The following CDK11B variants were observed in gnomAD, a reference collection of about 807,000 sequenced individuals.
CDK11B encodes the protein cyclin dependent kinase 11B, also known as cyclin-dependent kinase 11B.
A neutral mutation model predicts 84.0 loss-of-function variants in CDK11B; 37 were observed. The ratio of observed to expected loss-of-function variants is 0.44; its 90% CI spans 0.34 to 0.58. The LOEUF (loss-of-function observed/expected upper bound fraction) is 0.58. Ranked by LOEUF, CDK11B falls within the 20% of genes least tolerant of loss-of-function variation. The pLI, the probability that CDK11B is intolerant of heterozygous loss-of-function variation, is 0.02. For missense variants in CDK11B, 427 were observed against 834.0 expected (o/e 0.51, Z 6.01); for synonymous variants, 269 against 309.8 (o/e 0.87, Z 1.38).
At chr1:1,649,954 CAAAA>C (rs1294913578) in intron 4 of CDK11B, among the ~76,000 whole-genome samples, 1 of 87,478 alleles carries the variant, frequency 1.1e-5, no homozygotes, top group Non-Finnish European at 2.2e-5. Context: ...ACAGCCTGGG[CAAAA>C]AAAAAAAAAA....
In CDK11B at chr1:1,657,405, C is replaced by T. The variant is rs1001761199; in HGVS notation, c.81G>A (p.Glu27=). 5 of 1,593,334 alleles carry T rather than the reference C, an allele frequency of 3.1e-6. No individual in the cohort carries two copies. The South Asian group carries it at 3.4e-5, about 11-fold the overall frequency. The part of the protein sequence containing the change: ...LQEKKRRKEQ[E]EKAEIKRLKN... ...TTAAGCGTTTTATCTCTGCTTTCTC[C>T]TCTTGTTCCTTCCTTCGTTTCTTTT... is the stretch of plus-strand genomic sequence containing the variant. The change falls in exon 2 of 20, where the codon GAG becomes GAA. Residue 27 remains glutamate (E), a synonymous_variant. Coordinates refer to ENST00000341832, the MANE Select transcript of CDK11B (RefSeq NM_033486.3).
chr1:1,638,952 T>G (rs1259614783), intron 11 of CDK11B, among the ~76,000 whole-genome samples: 1 of 148,598 alleles, frequency 6.7e-6, no homozygotes, highest in African/African-American at 2.5e-5. Context: ...TTTTTTTTTT[T>G]TTTTTTGAGA....
At chr1:1,655,645 C>T (rs773301629) in intron 2 of CDK11B, among the ~76,000 whole-genome samples, 161 bp from the exon 3 acceptor site, 1 of 152,018 alleles carries the variant, frequency 6.6e-6, no homozygotes, top group Non-Finnish European at 1.5e-5. Flanking sequence ...AACTTTTGGC[C>T]GGGTGTGGTG....
chr1:1,640,680 TG>T (rs1297195658), intron 10 of CDK11B, among the ~76,000 whole-genome samples: 2 of 152,096 alleles, frequency 1.3e-5, no homozygotes, highest in Non-Finnish European at 2.9e-5. Context: ...GGGTGTCATG[TG>T]GGGGACAAGC....
intron 3 of CDK11B, among the ~76,000 whole-genome samples, chr1:1,652,905 A>T (rs1416859683): frequency 2.0e-5 from 3 of 152,062 alleles, no homozygotes; most frequent in South Asian, 4.1e-4. Flanking sequence ...TTGTATTTTT[A>T]GTAGAGACGG....
At chr1:1,649,352 C>A in intron 5 of CDK11B, 147 bp downstream of exon 5, 1 of 597,088 alleles carries the variant, frequency 1.7e-6, no homozygotes, top group East Asian at 2.9e-5. Flanking sequence ...CCGCCCACCT[C>A]GGCCTCCCAA....
intron 12 of CDK11B, among the ~76,000 whole-genome samples, chr1:1,638,141 C>T (rs2100692587): frequency 6.6e-6 from 1 of 152,200 alleles, no homozygotes; most frequent in East Asian, 1.9e-4. Flanking sequence ...GCCACGCCGA[C>T]TCCACATCGA....
At chr1:1,646,581 G>A (rs1332666453) in intron 5 of CDK11B, 11 of 513,416 alleles carry the variant, frequency 2.1e-5, no homozygotes, top group East Asian at 1.1e-4. Flanking sequence ...GGATATTGAC[G>A]TCAACCTACA....
intron 3 of CDK11B, chr1:1,654,103 A>G (rs1226162837): frequency 2.2e-6 from 1 of 448,564 alleles, no homozygotes; most frequent in Non-Finnish European, 4.4e-6. Context: ...AAATTCTGGG[A>G]AAATTCACAC....
Position 1,657,130 on chromosome 1 carries a change from A to T in CDK11B, c.111+245T>A, listed in dbSNP as rs1455705276. On this transcript the variant is annotated intron_variant, in intron 2 of 19. Transcript: ENST00000341832. ...AGTCCAGTTTTGCTAATGACTTAACATTCAACGTATTTTATTCTCCATGTA... is the reference window on the plus strand; with the variant it reads ...AGTCCAGTTTTGCTAATGACTTAACTTTCAACGTATTTTATTCTCCATGTA... 4 of 1,235,422 alleles carry T rather than the reference A, an allele frequency of 3.2e-6. No individual in the cohort carries two copies. The African/African-American group carries it at 6.2e-5, about 19-fold the overall frequency. The allele number at this position is 1,235,422 out of a possible 1,614,324, so 76.5% of individuals were successfully genotyped here.
Position 1,656,759 on chromosome 1 carries a change from A to G in CDK11B, c.111+616T>C, listed in dbSNP as rs1313703856. Among the ~76,000 whole-genome samples the G allele has an allele frequency of 7.2e-5, 11 of 152,346 alleles. No homozygotes were observed. The East Asian group carries it at 2.1e-3, about 29-fold the overall frequency. Reference sequence around the variant, plus strand: ...AGACTCCGTCTCAAAAACAAAAAAAAAGCTAACAAAGTGAGCACATGCTAT... The same window carrying G: ...AGACTCCGTCTCAAAAACAAAAAAAGAGCTAACAAAGTGAGCACATGCTAT... On this transcript the variant is annotated intron_variant, in intron 2 of 19. Coordinates refer to ENST00000341832, the MANE Select transcript of CDK11B (RefSeq NM_033486.3).
intron 13 of CDK11B, 24 bp downstream of exon 13, chr1:1,637,738 C>T: frequency 1.2e-6 from 2 of 1,613,700 alleles, no homozygotes; most frequent in Admixed American, 1.7e-5. Flanking sequence ...CACCCGGGGC[C>T]AGGCGTGGTG....
At chr1:1,657,857 A>ACTG (rs1642961997) in intron 1 of CDK11B, among the ~76,000 whole-genome samples, 1 of 128,684 alleles carries the variant, frequency 7.8e-6, no homozygotes, top group Non-Finnish European at 1.6e-5. Flanking sequence ...ATGAGCCAAG[A>ACTG]CTGCGCCACT....
intron 5 of CDK11B, among the ~76,000 whole-genome samples, chr1:1,647,708 C>G (rs558757373): frequency 1.2e-4 from 19 of 152,368 alleles, no homozygotes; most frequent in African/African-American, 4.6e-4. Context: ...TCTCCAGTCT[C>G]TGCTGCACGT....
intron 5 of CDK11B, among the ~76,000 whole-genome samples, chr1:1,648,594 G>A (rs1164008520): frequency 6.6e-6 from 1 of 151,830 alleles, no homozygotes; most frequent in Non-Finnish European, 1.5e-5. Context: ...AGGCGGAGAT[G>A]GGCCTGCTCC....
intron 11 of CDK11B, among the ~76,000 whole-genome samples, chr1:1,639,809 C>T (rs1179552540): frequency 6.6e-6 from 1 of 152,088 alleles, no homozygotes; most frequent in Admixed American, 6.6e-5. Context: ...CCAACAATAT[C>T]CTGCCTTATT....
In CDK11B at chr1:1,636,757, G is replaced by C; in HGVS notation, c.1842C>G (p.Ile614Met). ...TAVDMWSVGCIFGELLTQKPL... is the reference protein window; with the variant it reads ...TAVDMWSVGCMFGELLTQKPL... ...GCTTCTGAGTCAGCAGCTCCCCGAAGATGCAACCCACTGACCACATGTCCA... is the reference window on the plus strand; with the variant it reads ...GCTTCTGAGTCAGCAGCTCCCCGAACATGCAACCCACTGACCACATGTCCA... Residue 614 changes from isoleucine (I) to methionine (M), a missense_variant, in exon 17 of 20, where the codon ATC (isoleucine) becomes ATG (methionine). Physicochemically the swap from Ile to Met is conservative, Grantham distance 10. Coordinates refer to ENST00000341832, the MANE Select transcript of CDK11B (RefSeq NM_033486.3). The C allele has an allele frequency of 2.5e-6, 4 of 1,613,928 alleles. No homozygotes were observed. Among genetic ancestry groups the C allele is most frequent in the Non-Finnish European group, 3.4e-6 (4 of 1,179,866 alleles).
chr1:1,639,879 C>T (rs1310145642), intron 11 of CDK11B, among the ~76,000 whole-genome samples: 2 of 152,042 alleles, frequency 1.3e-5, no homozygotes, highest in East Asian at 1.9e-4. Context: ...CGTAGCCGCT[C>T]CCCCATCCAA....
At chr1:1,654,818 C>T (rs1642511258) in intron 3 of CDK11B, among the ~76,000 whole-genome samples, 1 of 151,796 alleles carries the variant, frequency 6.6e-6, no homozygotes, top group Admixed American at 6.6e-5. Context: ...GCCACCACGC[C>T]CGGCTAATTT....
Sources: gnomAD v4.1 joint callset for allele counts (sites outside exome capture counted in the v4.1 genomes callset) on GRCh38, gnomAD v4.1.1 for gene constraint, MANE v1.5 for transcripts, NCBI Gene and HGNC (gene_info 2026-07-23, HGNC 2026-07-21) for gene names.